The following NIT2 variants were observed in gnomAD, a reference collection of about 807,000 sequenced individuals.
NIT2 encodes nitrilase family member 2, also known as omega-amidase NIT2.
NIT2 carries 46 observed loss-of-function variants against 42.7 expected under a neutral mutation model. That is an observed-to-expected ratio of 1.08 (90% CI 0.85 to 1.38). NIT2 has a LOEUF of 1.38. NIT2 is among the 40% of genes most tolerant of loss of function. The pLI, the probability that NIT2 is intolerant of heterozygous loss-of-function variation, is 0.00. For missense variants in NIT2, 309 were observed against 342.5 expected (o/e 0.90, Z 0.77); for synonymous variants, 123 against 121.9 (o/e 1.01, Z -0.06).
chr3:100,344,879 C>T (rs1047470183), intron 4 of NIT2, among the ~76,000 whole-genome samples: 6 of 151,512 alleles, frequency 4.0e-5, no homozygotes, highest in Non-Finnish European at 8.8e-5. Context: ...CTCCTGACCT[C>T]AGGTGATTTT....
At chr3:100,354,391 G>A (rs1015443219) in intron 8 of NIT2, among the ~76,000 whole-genome samples, 1 of 152,204 alleles carries the variant, frequency 6.6e-6, no homozygotes, top group African/African-American at 2.4e-5. Flanking sequence ...TAAAGGGGGG[G>A]TCCACTGAAA....
Position 100,341,220 on chromosome 3 carries a change from A to G in NIT2, c.336+59A>G, listed in dbSNP as rs917867904. On this transcript the variant is annotated intron_variant, in intron 4 of 9. Coordinates refer to ENST00000394140, the MANE Select transcript of NIT2 (RefSeq NM_020202.5). ...CTCTAAGCCAGCAACAATGTGTGGA[A>G]AAAAAATTTGCTATGAAGTTCCCTA... 1.9e-5 allele frequency: 25 copies of G among 1,315,726 alleles called. No homozygotes were observed. In the African/African-American group the frequency reaches 3.3e-4, roughly 18 times the overall value. The allele number at this position is 1,315,726 out of a possible 1,614,324, so 81.5% of individuals were successfully genotyped here.
At position 100,356,394 on chromosome 3, in the gene NIT2, G is replaced by GT. The variant is rs2148885700; in HGVS notation, c.*1126_*1127insT. Reference sequence around the variant, plus strand: ...TGTGCACAATCAGCTCTGGGGAGCTGGTGCAATCCTGCCCTAGCACACCAC... The same window carrying GT: ...TGTGCACAATCAGCTCTGGGGAGCTGTGTGCAATCCTGCCCTAGCACACCAC... On this transcript the variant is annotated 3_prime_UTR_variant, in exon 10 of 10. Transcript: ENST00000394140. The GT allele has an allele frequency of 6.6e-6, 1 of 152,246 alleles. No homozygotes were observed. Among genetic ancestry groups the GT allele is most frequent in the South Asian group, 2.1e-4 (1 of 4,828 alleles). The allele number at this position is 152,246 out of a possible 1,614,324, so 9.4% of individuals were successfully genotyped here. A position where few individuals can be genotyped will look rare whatever the true frequency, so the allele number is the denominator to read the frequency against.
intron 1 of NIT2, chr3:100,335,045 G>A (rs1411754774): frequency 3.9e-6 from 2 of 515,488 alleles, no homozygotes; most frequent in African/African-American, 2.1e-5. Flanking sequence ...CGGCCGCGCC[G>A]GCACCCGCCG....
In NIT2 at chr3:100,355,496, A is replaced by G. The variant is rs1381480313; in HGVS notation, c.*228A>G. The G allele has an allele frequency of 2.3e-6, 1 of 436,886 alleles. No individual in the cohort carries two copies. Among genetic ancestry groups the G allele is most frequent in the African/African-American group, 2.0e-5 (1 of 49,096 alleles). The allele number at this position is 436,886 out of a possible 1,614,324, so 27.1% of individuals were successfully genotyped here. On this transcript the variant is annotated 3_prime_UTR_variant, in exon 10 of 10. Coordinates refer to ENST00000394140, the MANE Select transcript of NIT2 (RefSeq NM_020202.5). ...GAGCAGAAAGCTGGGCTGGTTCTGA[A>G]GCTTCTTCCATACTTAAGTTGCCTC...
At chr3:100,335,132 G>C (rs1009402488) in intron 1 of NIT2, 1 of 377,174 alleles carries the variant, frequency 2.7e-6, no homozygotes, top group African/African-American at 2.2e-5. Context: ...AACTCCCTTG[G>C]GTGTTTTCAA....
intron 7 of NIT2, chr3:100,349,761 C>T (rs1706255739): frequency 6.6e-6 from 1 of 152,234 alleles, no homozygotes; most frequent in Non-Finnish European, 1.5e-5. Context: ...AACTCCAGGG[C>T]TTTGCACAAG....
rs539513119 is a variant in NIT2 at position 100,334,904 on chromosome 3, C to T, written c.7+106C>T. The T allele has an allele frequency of 4.1e-5, 45 of 1,093,822 alleles. No individual in the cohort carries two copies. In the African/African-American group the frequency reaches 6.8e-4, roughly 16 times the overall value. The allele number at this position is 1,093,822 out of a possible 1,614,324, so 67.8% of individuals were successfully genotyped here. A position where few individuals can be genotyped will look rare whatever the true frequency, so the allele number is the denominator to read the frequency against. ...GGCTCAGCCCCTCCGCCCCGCGTCC[C>T]CGCCGTGCGCGGCCTTCCCTGAGGC... On this transcript the variant is annotated intron_variant, in intron 1 of 9. Coordinates refer to ENST00000394140, the MANE Select transcript of NIT2 (RefSeq NM_020202.5).
rs756406713 is a variant in NIT2, at chr3:100,341,087, G to A, written c.262G>A (p.Glu88Lys). 1.2e-6 allele frequency: 2 copies of A among 1,611,900 alleles called. No individual in the cohort carries two copies. Among genetic ancestry groups the A allele is most frequent in the Non-Finnish European group, 1.7e-6 (2 of 1,178,118 alleles). Reference sequence around the variant, plus strand: ...CTCAATGAAAGGCTCTATCCCTGAAGAGGATGCTGGGAAATTATATAACAC... The same window carrying A: ...CTCAATGAAAGGCTCTATCCCTGAAAAGGATGCTGGGAAATTATATAACAC... ...IYLIGGSIPE[E>K]DAGKLYNTCA... The change falls in exon 4 of 10, where the codon GAG (glutamate) becomes AAG (lysine). Residue 88 changes from glutamate (E) to lysine (K), a missense_variant. Transcript: ENST00000394140.
chr3:100,341,057 C>T lies in NIT2; in HGVS notation c.248-16C>T, dbSNP rs1161479358. The T allele has an allele frequency of 6.4e-7, 1 of 1,560,374 alleles. No individual in the cohort carries two copies. The highest frequency in any genetic ancestry group is 2.2e-5 in the East Asian group (1 of 44,544). On this transcript the variant is annotated splice_polypyrimidine_tract_variant and intron_variant, in intron 3 of 9. Coordinates refer to ENST00000394140, the MANE Select transcript of NIT2 (RefSeq NM_020202.5). ...CTATTCTTTTTCTTATGGTATGTTT[C>T]TTCTCTCAATGAAAGGCTCTATCCC...
chr3:100,344,602 A>G (rs952628310), intron 4 of NIT2, among the ~76,000 whole-genome samples: 1 of 151,864 alleles, frequency 6.6e-6, no homozygotes, highest in Admixed American at 6.6e-5. Flanking sequence ...CATTTGTGAG[A>G]TTTATTCCTC....
intron 6 of NIT2, 33 bp downstream of exon 6, chr3:100,346,288 G>T (rs1706216554): frequency 3.2e-6 from 5 of 1,587,150 alleles, no homozygotes; most frequent in Middle Eastern, 1.7e-4. Flanking sequence ...TTATGTGGGT[G>T]CTTGGAGGCT....
In NIT2 at chr3:100,356,943, A is replaced by G. The variant is rs1285896124; in HGVS notation, c.*1675A>G. ...CTCAAAATTACTTCTTTCACTCAAA[A>G]TCACTCAAAATTACATACTCTGTAT... On this transcript the variant is annotated 3_prime_UTR_variant, in exon 10 of 10. Transcript: ENST00000394140. 2.0e-5 allele frequency: 3 copies of G among 152,182 alleles called. No individual in the cohort carries two copies. The East Asian group carries it at 5.8e-4, about 29-fold the overall frequency. 9.4% of individuals were successfully genotyped at this position (152,182 alleles called of 1,614,324 possible).
chr3:100,351,415 A>T (rs547339464), intron 7 of NIT2, among the ~76,000 whole-genome samples: 1 of 152,294 alleles, frequency 6.6e-6, no homozygotes, highest in African/African-American at 2.4e-5. Flanking sequence ...AGAGATATAG[A>T]TCAATGGAAC....
intron 6 of NIT2, 127 bp downstream of exon 6, chr3:100,346,382 A>AC (rs1453026467): frequency 1.3e-6 from 1 of 795,160 alleles, no homozygotes; most frequent in African/African-American, 1.7e-5. Flanking sequence ...CAGCCCTTTC[A>AC]CCCCCATGAG....
chr3:100,334,911 G>T (rs933291101), intron 1 of NIT2, 113 bp downstream of exon 1: 53 of 1,069,096 alleles, frequency 5.0e-5, no homozygotes, highest in Admixed American at 1.4e-4. Flanking sequence ...TCCCCGCCGT[G>T]CGCGGCCTTC....
intron 7 of NIT2, among the ~76,000 whole-genome samples, chr3:100,350,792 G>T (rs934895967): frequency 6.6e-6 from 1 of 152,100 alleles, no homozygotes; most frequent in Admixed American, 6.5e-5. Context: ...TGCCATGCTG[G>T]TGTGCTGCAC....
At chr3:100,342,513 T>C (rs193262337) in intron 4 of NIT2, among the ~76,000 whole-genome samples, 1 of 151,768 alleles carries the variant, frequency 6.6e-6, no homozygotes, top group Non-Finnish European at 1.5e-5. Context: ...TAGTTATACA[T>C]CTTAGCTTTT....
Position 100,355,523 on chromosome 3 carries a change from A to C in NIT2, c.*255A>C. Reference sequence around the variant, plus strand: ...CTTCTTCCATACTTAAGTTGCCTCCAAGCAGTTTGTGAAAGTATCAGATCT... The same window carrying C: ...CTTCTTCCATACTTAAGTTGCCTCCCAGCAGTTTGTGAAAGTATCAGATCT... On this transcript the variant is annotated 3_prime_UTR_variant, in exon 10 of 10. Coordinates refer to ENST00000394140, the MANE Select transcript of NIT2 (RefSeq NM_020202.5). 1 of 385,448 alleles carries C rather than the reference A, an allele frequency of 2.6e-6. No individual in the cohort carries two copies. 23.9% of individuals were successfully genotyped at this position (385,448 alleles called of 1,614,324 possible).
Sources: allele counts gnomAD v4.1 joint callset (sites outside exome capture counted in the v4.1 genomes callset), GRCh38; gene constraint gnomAD v4.1.1; transcripts MANE v1.5; gene names NCBI Gene and HGNC (gene_info 2026-07-23, HGNC 2026-07-21).